CLSTN2: variants seen among roughly 807,000 people sequenced by gnomAD.
CLSTN2 encodes the protein calsyntenin 2.
In CLSTN2, 48 loss-of-function variants were observed where a neutral mutation model predicts 101.2. The observed-to-expected ratio is 0.47, with a 90% CI of 0.38 to 0.60. The LOEUF is 0.60. Among genes scored for constraint, CLSTN2 ranks in the 20% least tolerant of loss-of-function variants. The pLI is 0.00. For synonymous variants in CLSTN2, 481 were observed against 463.6 expected (o/e 1.04, Z -0.48); for missense variants, 1,160 against 1,238.2 (o/e 0.94, Z 0.95).
chr3:139,935,593 G>T lies in CLSTN2; in HGVS notation c.109+110G>T, dbSNP rs1037330661. 9.7e-6 allele frequency: 5 copies of T among 517,092 alleles called. No individual in the cohort carries two copies. In the African/African-American group the frequency reaches 9.9e-5, roughly 10 times the overall value. 32.0% of individuals were successfully genotyped at this position (517,092 alleles called of 1,614,324 possible). ...CTGGATTTGCCCACCCTCCCTTGCC[G>T]CAGCTTCTTTGGCCTCTGTGCGCCC... On this transcript the variant is annotated intron_variant, in intron 1 of 16. Coordinates refer to ENST00000458420, the MANE Select transcript of CLSTN2 (RefSeq NM_022131.3). This position sits in a 1 kb window ranked among gnomAD's most constrained non-coding sequence, Gnocchi z 5.5.
intron 1 of CLSTN2, among the ~76,000 whole-genome samples, chr3:140,100,176 T>C (rs2008942151): frequency 6.6e-6 from 1 of 152,082 alleles, no homozygotes; most frequent in Admixed American, 6.6e-5. Context: ...CATGCAACTT[T>C]TGTAAATTCC....
intron 1 of CLSTN2, among the ~76,000 whole-genome samples, chr3:139,945,936 C>T (rs904043662): frequency 3.3e-5 from 5 of 152,268 alleles, no homozygotes; most frequent in Admixed American, 2.6e-4. Context: ...GCATATAGTT[C>T]ATTAACACTA....
intron 2 of CLSTN2, among the ~76,000 whole-genome samples, chr3:140,260,969 C>A (rs536663960): frequency 1.3e-5 from 2 of 152,220 alleles, no homozygotes; most frequent in African/African-American, 4.8e-5. Flanking sequence ...GGGTGAGGTA[C>A]CCCTTTTCAT....
intron 1 of CLSTN2, among the ~76,000 whole-genome samples, chr3:139,958,573 G>T (rs1488320251): frequency 3.3e-5 from 5 of 151,942 alleles, no homozygotes; most frequent in African/African-American, 1.2e-4. Context: ...GGCTGGCCAT[G>T]ATGTACCAGG....
At chr3:140,312,472 C>T (rs1436636332) in intron 2 of CLSTN2, among the ~76,000 whole-genome samples, 2 of 152,198 alleles carry the variant, frequency 1.3e-5, no homozygotes, top group African/African-American at 4.8e-5. Context: ...GCTTTGACAG[C>T]CATGGTTATC....
At chr3:140,483,870 T>G (rs1934182016) in intron 8 of CLSTN2, among the ~76,000 whole-genome samples, 1 of 152,214 alleles carries the variant, frequency 6.6e-6, no homozygotes. Flanking sequence ...GCACATGAGA[T>G]GGGTTTCCTG....
intron 1 of CLSTN2, among the ~76,000 whole-genome samples, chr3:140,116,088 T>C (rs1231964496): frequency 6.6e-6 from 1 of 152,152 alleles, no homozygotes; most frequent in Non-Finnish European, 1.5e-5. Context: ...ACTAACCTCT[T>C]TCTATTCCTG....
At chr3:139,975,190 A>G (rs983300486) in intron 1 of CLSTN2, among the ~76,000 whole-genome samples, 32 of 152,144 alleles carry the variant, frequency 2.1e-4, no homozygotes, top group Admixed American at 2.6e-4. Context: ...CTAGAGCCCT[A>G]AGGAGGGGGA....
At chr3:140,106,456 G>A (rs1321079624) in intron 1 of CLSTN2, among the ~76,000 whole-genome samples, 1 of 152,216 alleles carries the variant, frequency 6.6e-6, no homozygotes, top group Non-Finnish European at 1.5e-5. Flanking sequence ...AGGCCTCCCT[G>A]ACACACAGGA....
chr3:140,367,706 G>T (rs11714825), intron 2 of CLSTN2, among the ~76,000 whole-genome samples: 2 of 151,916 alleles, frequency 1.3e-5, no homozygotes, highest in Admixed American at 6.6e-5. Flanking sequence ...TAATACACGA[G>T]GTCCCTAATG....
At chr3:139,943,174 C>G (rs935053507) in intron 1 of CLSTN2, among the ~76,000 whole-genome samples, 1 of 152,102 alleles carries the variant, frequency 6.6e-6, no homozygotes, top group African/African-American at 2.4e-5. Context: ...AAGCCAGAGC[C>G]CCCAAGAGTC....
chr3:140,286,162 GC>G (rs2086894262), intron 2 of CLSTN2, among the ~76,000 whole-genome samples: 1 of 152,146 alleles, frequency 6.6e-6, no homozygotes, highest in Non-Finnish European at 1.5e-5. Context: ...GGTAAAGGAA[GC>G]AACCTCTCTG....
At chr3:140,093,488 G>A (rs977042369) in intron 1 of CLSTN2, among the ~76,000 whole-genome samples, 2 of 152,086 alleles carry the variant, frequency 1.3e-5, no homozygotes, top group Non-Finnish European at 2.9e-5. Context: ...CAATATTGGA[G>A]TTTAGGTCCC....
At chr3:140,235,780 A>C (rs558031093) in intron 2 of CLSTN2, among the ~76,000 whole-genome samples, 1 of 152,164 alleles carries the variant, frequency 6.6e-6, no homozygotes, top group African/African-American at 2.4e-5. Context: ...ATGCCTTATG[A>C]TTGGAGGAGT....
chr3:140,149,138 T>G (rs1440393583), intron 1 of CLSTN2, among the ~76,000 whole-genome samples: 2 of 152,194 alleles, frequency 1.3e-5, no homozygotes, highest in African/African-American at 4.8e-5. Flanking sequence ...TGTCCATTCC[T>G]GGCTGTCCCT....
At chr3:139,994,150 A>C (rs1329478852) in intron 1 of CLSTN2, among the ~76,000 whole-genome samples, 4 of 152,192 alleles carry the variant, frequency 2.6e-5, no homozygotes, top group African/African-American at 9.6e-5. Context: ...TCTTATTCAC[A>C]GGGGTCTTCA....
chr3:140,490,725 A>T (rs1934339041), intron 8 of CLSTN2, among the ~76,000 whole-genome samples: 1 of 152,066 alleles, frequency 6.6e-6, no homozygotes. Context: ...AAGCAGTGTC[A>T]TAGGCTGAAC....
At chr3:140,395,774 G>T (rs1393677650) in intron 2 of CLSTN2, among the ~76,000 whole-genome samples, 1 of 152,196 alleles carries the variant, frequency 6.6e-6, no homozygotes, top group Non-Finnish European at 1.5e-5. Context: ...AGTGACTAGA[G>T]ATGATCCCAT....
rs1214294045 is a variant in CLSTN2, at chr3:140,234,613, G to A, written c.232+58540G>A. On this transcript the variant is annotated intron_variant, in intron 2 of 16. Transcript: ENST00000458420. ...TTATTTGCCTGTGTGCTGGTACCATGACAAGAAATTCCCTATCACAGCCAG... is the reference window on the plus strand; with the variant it reads ...TTATTTGCCTGTGTGCTGGTACCATAACAAGAAATTCCCTATCACAGCCAG... Among the ~76,000 whole-genome samples the A allele has an allele frequency of 5.3e-5, 8 of 152,118 alleles. No homozygotes were observed. The East Asian group carries it at 1.2e-3, about 22-fold the overall frequency.
Sources: allele counts gnomAD v4.1 joint callset (sites outside exome capture counted in the v4.1 genomes callset), GRCh38; gene constraint gnomAD v4.1.1; non-coding constraint Gnocchi (gnomAD v3.1); transcripts MANE v1.5; gene names NCBI Gene and HGNC (gene_info 2026-07-23, HGNC 2026-07-21).